ATP6V0A4: variants seen among roughly 807,000 people sequenced by gnomAD.
ATP6V0A4 encodes the protein V-type proton ATPase 116 kDa subunit a 4.
ATP6V0A4 carries 86 observed loss-of-function variants against 107.3 expected under a neutral mutation model. That is an observed-to-expected ratio of 0.80 (90% CI 0.67 to 0.96). The LOEUF is 0.96. ATP6V0A4 is among the 40% of genes least tolerant of loss of function. The pLI, the probability that ATP6V0A4 is intolerant of heterozygous loss-of-function variation, is 0.00. For missense variants in ATP6V0A4, 908 were observed against 1,045.6 expected (o/e 0.87, Z 1.81); for synonymous variants, 353 against 381.4 (o/e 0.93, Z 0.87).
In ATP6V0A4 at chr7:138,746,504, G is replaced by A. The variant is rs529849855; in HGVS notation, c.1320+921C>T. On this transcript the variant is annotated intron_variant, in intron 13 of 21. Coordinates refer to ENST00000310018, the MANE Select transcript of ATP6V0A4 (RefSeq NM_020632.3). The stretch of plus-strand genomic sequence containing the variant: ...ATTCAACCTGTAATAAAACATTGCA[G>A]ATATTTTTTTTTTTTTTAAGATGGA... 1.1e-3 allele frequency among the ~76,000 whole-genome samples: 161 copies of A among 149,496 alleles called. 2 individuals are homozygous for A. Among genetic ancestry groups the A allele is most frequent in the African/African-American group, 3.9e-3 (157 of 39,984 alleles).
chr7:138,761,771 C>G (rs1156502855), intron 7 of ATP6V0A4, among the ~76,000 whole-genome samples: 1 of 152,168 alleles, frequency 6.6e-6, no homozygotes, highest in Non-Finnish European at 1.5e-5. Flanking sequence ...CCTCTACCTC[C>G]AGGGTTCAAG....
chr7:138,732,414 A>C (rs6952245), intron 17 of ATP6V0A4, among the ~76,000 whole-genome samples: 23,529 of 151,986 alleles, frequency 0.15, 3,565 homozygotes, highest in African/African-American at 0.39. Context: ...TTAATAAGAC[A>C]CTTTTGAGAT....
intron 10 of ATP6V0A4, among the ~76,000 whole-genome samples, chr7:138,754,199 A>G (rs1454484623): frequency 6.6e-6 from 1 of 152,180 alleles, no homozygotes; most frequent in East Asian, 1.9e-4. Flanking sequence ...CTGTAATCCC[A>G]GCACTTTGGG....
At chr7:138,716,438 C>T (rs1804035173) in intron 19 of ATP6V0A4, among the ~76,000 whole-genome samples, 1 of 138,428 alleles carries the variant, frequency 7.2e-6, no homozygotes, top group African/African-American at 2.7e-5. Flanking sequence ...AGAGAAGGGA[C>T]AGCCTTAAAG....
At chr7:138,743,211 A>G (rs773483598) in intron 14 of ATP6V0A4, among the ~76,000 whole-genome samples, 13 of 152,012 alleles carry the variant, frequency 8.6e-5, no homozygotes, top group Non-Finnish European at 1.8e-4. Context: ...TAATCCTAGC[A>G]CTTTGGGAGG....
At chr7:138,779,270 C>T (rs1413257638) in intron 2 of ATP6V0A4, among the ~76,000 whole-genome samples, 2 of 151,782 alleles carry the variant, frequency 1.3e-5, no homozygotes, top group African/African-American at 2.4e-5. Flanking sequence ...TGACCTGAGC[C>T]TGGGGAGGTC....
chr7:138,786,608 T>C (rs1016644947), intron 1 of ATP6V0A4, among the ~76,000 whole-genome samples: 2 of 150,880 alleles, frequency 1.3e-5, no homozygotes, highest in African/African-American at 4.9e-5. Context: ...GACAACAGAA[T>C]GCCCTGAAGT....
At chr7:138,772,729 G>C (rs73166968) in intron 2 of ATP6V0A4, among the ~76,000 whole-genome samples, 4,238 of 152,244 alleles carry the variant, frequency 0.028, 86 homozygotes, top group South Asian at 0.04. Flanking sequence ...GCCAGGGAAC[G>C]GAGCCCTGGT....
At chr7:138,762,873 T>C in intron 6 of ATP6V0A4, 27 bp downstream of exon 6, 4 of 1,612,730 alleles carry the variant, frequency 2.5e-6, no homozygotes, top group Non-Finnish European at 3.4e-6. Flanking sequence ...GAACGGGCCC[T>C]TTAGTAACTC....
At chr7:138,719,291 G>C (rs1187091907) in intron 19 of ATP6V0A4, among the ~76,000 whole-genome samples, 2 of 152,190 alleles carry the variant, frequency 1.3e-5, no homozygotes, top group Non-Finnish European at 2.9e-5. Flanking sequence ...CACGTGAAAG[G>C]GTCTTTGTTA....
chr7:138,747,968 C>A (rs1048060762), intron 12 of ATP6V0A4, among the ~76,000 whole-genome samples: 11 of 151,936 alleles, frequency 7.2e-5, no homozygotes, highest in African/African-American at 2.7e-4. Context: ...ATTGCCCGGG[C>A]TGGTCTCGAA....
At chr7:138,723,748 A>T (rs1327026476) in intron 18 of ATP6V0A4, among the ~76,000 whole-genome samples, 2 of 150,636 alleles carry the variant, frequency 1.3e-5, no homozygotes, top group African/African-American at 2.4e-5. Context: ...GTGATCTCGA[A>T]CTCCTGACCT....
intron 11 of ATP6V0A4, among the ~76,000 whole-genome samples, chr7:138,752,399 T>A (rs1806278936): frequency 6.6e-6 from 1 of 150,670 alleles, no homozygotes; most frequent in Non-Finnish European, 1.5e-5. Context: ...CCTCAATACG[T>A]ACTCACAAAA....
At chr7:138,768,690 A>T in intron 5 of ATP6V0A4, 90 bp downstream of exon 5, 2 of 1,479,458 alleles carry the variant, frequency 1.4e-6, no homozygotes, top group Non-Finnish European at 1.9e-6. Context: ...GCAAACAGGT[A>T]CGGAATCTGC....
At chr7:138,734,326 G>A (rs1348362066) in intron 15 of ATP6V0A4, 72 bp from the exon 16 acceptor site, 7 of 1,604,746 alleles carry the variant, frequency 4.4e-6, no homozygotes, top group Non-Finnish European at 6.0e-6. Flanking sequence ...GAGGGCTACA[G>A]CACAACTTTC....
chr7:138,711,399 A>G (rs2117181987), intron 20 of ATP6V0A4, among the ~76,000 whole-genome samples: 1 of 152,276 alleles, frequency 6.6e-6, no homozygotes, highest in Admixed American at 6.5e-5. Flanking sequence ...CTTCTTCCCT[A>G]GTTATCATGC....
chr7:138,779,812 A>G (rs12707397), intron 2 of ATP6V0A4, among the ~76,000 whole-genome samples: 108,858 of 152,096 alleles, frequency 0.72, 39,133 homozygotes, highest in Admixed American at 0.76. Flanking sequence ...CTCATGATAA[A>G]AGGAAAAGAG....
intron 2 of ATP6V0A4, among the ~76,000 whole-genome samples, chr7:138,781,474 C>G (rs1044158461): frequency 3.9e-5 from 6 of 152,030 alleles, no homozygotes; most frequent in Admixed American, 2.6e-4. Context: ...GGATTACAAG[C>G]ACCTGCCACC....
At chr7:138,759,576 C>G (rs1291303962) in intron 8 of ATP6V0A4, among the ~76,000 whole-genome samples, 176 bp downstream of exon 8, 1 of 151,332 alleles carries the variant, frequency 6.6e-6, no homozygotes, top group Non-Finnish European at 1.5e-5. Flanking sequence ...ACTGACCTTT[C>G]AAATATATAT....
Sources: allele counts gnomAD v4.1 joint callset (sites outside exome capture counted in the v4.1 genomes callset), GRCh38; gene constraint gnomAD v4.1.1; transcripts MANE v1.5; gene names NCBI Gene and HGNC (gene_info 2026-07-23, HGNC 2026-07-21).